ADCY2: variants seen among roughly 807,000 people sequenced by gnomAD.
ADCY2 encodes the protein adenylate cyclase type 2.
In ADCY2, 31 loss-of-function variants were observed where a neutral mutation model predicts 125.2. The observed-to-expected ratio is 0.25, with a 90% CI of 0.19 to 0.33. ADCY2 has a LOEUF of 0.33. Ranked by LOEUF, ADCY2 falls within the 10% of genes least tolerant of loss-of-function variation. ADCY2 has a pLI of 1.00. For synonymous variants in ADCY2, 512 were observed against 548.4 expected (o/e 0.93, Z 0.93); for missense variants, 904 against 1,418.2 (o/e 0.64, Z 5.82).
chr5:7,724,127 A>AC, intron 12 of ADCY2, among the ~76,000 whole-genome samples: 1 of 148,046 alleles, frequency 6.8e-6, no homozygotes, highest in South Asian at 2.1e-4. Context: ...AAAAAAAAAA[A>AC]AAAAAAAAAA....
chr5:7,417,423 A>G (rs2126339029), intron 2 of ADCY2, among the ~76,000 whole-genome samples: 1 of 152,218 alleles, frequency 6.6e-6, no homozygotes, highest in South Asian at 2.1e-4. Context: ...TCCCTTTCAT[A>G]TCCTTAATTT....
At chr5:7,725,102 G>A (rs1741893011) in intron 13 of ADCY2, among the ~76,000 whole-genome samples, 1 of 152,096 alleles carries the variant, frequency 6.6e-6, no homozygotes. Flanking sequence ...TTTAAAGTAA[G>A]AGCTATTTCA....
At chr5:7,458,868 G>A (rs16878664) in intron 2 of ADCY2, among the ~76,000 whole-genome samples, 11,046 of 152,154 alleles carry the variant, frequency 0.073, 585 homozygotes, top group African/African-American at 0.15. Context: ...GTAATGGCAC[G>A]TCACACAAGA....
intron 17 of ADCY2, among the ~76,000 whole-genome samples, 175 bp from the exon 18 acceptor site, chr5:7,772,756 GA>G (rs1334921516): frequency 2.8e-5 from 4 of 141,586 alleles, no homozygotes; most frequent in African/African-American, 1.0e-4. Context: ...TTTTTTTTCT[GA>G]ATTTAACATA....
intron 4 of ADCY2, among the ~76,000 whole-genome samples, chr5:7,662,703 T>A (rs1315500746): frequency 6.6e-6 from 1 of 152,240 alleles, no homozygotes; most frequent in African/African-American, 2.4e-5. Context: ...CCATCATCCT[T>A]AGCCTCACTT....
intron 3 of ADCY2, among the ~76,000 whole-genome samples, chr5:7,610,396 G>C (rs1055335553): frequency 6.6e-6 from 1 of 152,142 alleles, no homozygotes; most frequent in East Asian, 1.9e-4. Flanking sequence ...GCTGCTGAGA[G>C]AGCCACTCAG....
chr5:7,450,820 AT>A (rs1429003342), intron 2 of ADCY2, among the ~76,000 whole-genome samples: 1 of 152,134 alleles, frequency 6.6e-6, no homozygotes, highest in African/African-American at 2.4e-5. Context: ...AAAATTGTTA[AT>A]TTTATTGTGC....
At chr5:7,531,070 G>T (rs1390985537) in intron 3 of ADCY2, among the ~76,000 whole-genome samples, 5 of 152,144 alleles carry the variant, frequency 3.3e-5, no homozygotes, top group Non-Finnish European at 5.9e-5. Flanking sequence ...ATGCCTGAGG[G>T]TCTGAGCTCC....
intron 2 of ADCY2, among the ~76,000 whole-genome samples, chr5:7,489,208 T>C (rs953955452): frequency 2.5e-4 from 38 of 152,266 alleles, no homozygotes; most frequent in African/African-American, 8.9e-4. Context: ...CTCTGAGACC[T>C]GTTAGCAGAG....
At chr5:7,580,930 A>G (rs764658176) in intron 3 of ADCY2, among the ~76,000 whole-genome samples, 1 of 152,226 alleles carries the variant, frequency 6.6e-6, no homozygotes, top group Non-Finnish European at 1.5e-5. Flanking sequence ...TAAAATGCTA[A>G]AAGAAAACAA....
Position 7,775,287 on chromosome 5 carries a change from G to A in ADCY2, c.2384+2186G>A, listed in dbSNP as rs181240202. Among the ~76,000 whole-genome samples, 7 of 152,030 alleles carry A rather than the reference G, an allele frequency of 4.6e-5. No individual in the cohort carries two copies. In the East Asian group the frequency reaches 1.4e-3, roughly 29 times the overall value. On this transcript the variant is annotated intron_variant, in intron 18 of 24. Transcript: ENST00000338316. ...GTAGAGACAGAGTTTCATCATGTTG[G>A]CCAGGCTGCTCTCAAACTTCTGGCC...
chr5:7,811,767 C>T (rs972301972), intron 22 of ADCY2, among the ~76,000 whole-genome samples: 3 of 152,126 alleles, frequency 2.0e-5, no homozygotes, highest in Admixed American at 2.0e-4. Context: ...TAGTCTCCAT[C>T]TGAGCCACCT....
chr5:7,748,806 T>A (rs1277144043), intron 15 of ADCY2, among the ~76,000 whole-genome samples: 1 of 152,222 alleles, frequency 6.6e-6, no homozygotes, highest in Non-Finnish European at 1.5e-5. Flanking sequence ...TGCTAGGCAC[T>A]TAGCTTCTAC....
chr5:7,705,039 C>T lies in ADCY2; in HGVS notation c.1110-1705C>T, dbSNP rs1396312681. Among the ~76,000 whole-genome samples, 5 of 152,244 alleles carry T rather than the reference C, an allele frequency of 3.3e-5. No individual in the cohort carries two copies. The East Asian group carries it at 7.7e-4, about 24-fold the overall frequency. ...GGACAGTCTGAGACTCCTTTTTCCTCCCTTTTTATCCTTCCTTGGCTCTCT... is the reference window on the plus strand; with the variant it reads ...GGACAGTCTGAGACTCCTTTTTCCTTCCTTTTTATCCTTCCTTGGCTCTCT... On this transcript the variant is annotated intron_variant, in intron 7 of 24. Coordinates refer to ENST00000338316, the MANE Select transcript of ADCY2 (RefSeq NM_020546.3).
At chr5:7,501,383 G>A (rs553925241) in intron 2 of ADCY2, among the ~76,000 whole-genome samples, 8 of 152,278 alleles carry the variant, frequency 5.3e-5, no homozygotes, top group Admixed American at 3.3e-4. Context: ...ATAAGATGGT[G>A]TCATTCAACA....
At chr5:7,714,874 C>T (rs1741548801) in intron 11 of ADCY2, among the ~76,000 whole-genome samples, 1 of 152,230 alleles carries the variant, frequency 6.6e-6, no homozygotes, top group Non-Finnish European at 1.5e-5. Flanking sequence ...TGTCCCTCCC[C>T]ATGCCTGCTT....
At chr5:7,450,209 T>C (rs962117821) in intron 2 of ADCY2, among the ~76,000 whole-genome samples, 1 of 152,202 alleles carries the variant, frequency 6.6e-6, no homozygotes, top group African/African-American at 2.4e-5. Context: ...GGCCAAAAGC[T>C]AGACCTCCTG....
At chr5:7,511,990 G>A (rs1305180979) in intron 2 of ADCY2, among the ~76,000 whole-genome samples, 2 of 151,904 alleles carry the variant, frequency 1.3e-5, no homozygotes, top group Non-Finnish European at 2.9e-5. Context: ...GGAGGCTGAG[G>A]TGGGCAGATT....
intron 3 of ADCY2, among the ~76,000 whole-genome samples, chr5:7,532,231 A>G (rs74982399): frequency 0.016 from 2,466 of 152,258 alleles, 88 homozygotes; most frequent in African/African-American, 0.056. Context: ...TATTCTTGAT[A>G]CTCCTTGCCT....
Sources: gnomAD v4.1 joint callset for allele counts (sites outside exome capture counted in the v4.1 genomes callset) on GRCh38, gnomAD v4.1.1 for gene constraint, MANE v1.5 for transcripts, NCBI Gene and HGNC (gene_info 2026-07-23, HGNC 2026-07-21) for gene names.